Variants in SORCS1 observed in about 807,000 individuals in gnomAD.
The protein encoded by SORCS1 is VPS10 domain-containing receptor SorCS1.
SORCS1 carries 60 observed loss-of-function variants against 146.1 expected under a neutral mutation model. That is an observed-to-expected ratio of 0.41 (90% CI 0.33 to 0.51). The LOEUF (loss-of-function observed/expected upper bound fraction) is 0.51. Among genes scored for constraint, SORCS1 ranks in the 20% least tolerant of loss-of-function variants. The pLI, the probability that SORCS1 is intolerant of heterozygous loss-of-function variation, is 0.21. For missense variants in SORCS1, 1,352 were observed against 1,487.6 expected (o/e 0.91, Z 1.50); for synonymous variants, 637 against 584.0 (o/e 1.09, Z -1.31).
chr10:107,136,117 G>GA (rs879296392), intron 1 of SORCS1, among the ~76,000 whole-genome samples: 1,855 of 146,388 alleles, frequency 0.013, 32 homozygotes, highest in African/African-American at 0.043. Context: ...TGCAGTTGTA[G>GA]AAAAAAAAAA....
intron 19 of SORCS1, among the ~76,000 whole-genome samples, chr10:106,627,829 C>A (rs1848199982): frequency 6.6e-6 from 1 of 152,242 alleles, no homozygotes; most frequent in African/African-American, 2.4e-5. Flanking sequence ...GGCACTGACA[C>A]TGACCTTAGT....
intron 5 of SORCS1, among the ~76,000 whole-genome samples, chr10:106,742,546 A>C (rs1312596158): frequency 6.6e-6 from 1 of 152,022 alleles, no homozygotes; most frequent in Admixed American, 6.6e-5. Flanking sequence ...CACCCGGCTA[A>C]TTTTTGTATT....
chr10:106,838,429 G>A (rs554098133), intron 2 of SORCS1, among the ~76,000 whole-genome samples: 3 of 152,186 alleles, frequency 2.0e-5, no homozygotes, highest in Admixed American at 6.5e-5. Context: ...AACCTATAAC[G>A]AAGGATAATG....
chr10:106,761,790 G>GTTC, intron 4 of SORCS1, 129 bp from the exon 5 acceptor site: 1 of 750,632 alleles, frequency 1.3e-6, no homozygotes, highest in Non-Finnish European at 2.3e-6. Flanking sequence ...TATACAAGGT[G>GTTC]AGTGCTCCAT....
chr10:106,767,120 T>A (rs538296604), intron 4 of SORCS1, among the ~76,000 whole-genome samples: 2 of 152,296 alleles, frequency 1.3e-5, no homozygotes, highest in African/African-American at 4.8e-5. Flanking sequence ...TGATGTAGAC[T>A]GGATCCAAAT....
intron 2 of SORCS1, among the ~76,000 whole-genome samples, chr10:106,847,893 C>T (rs962776214): frequency 6.6e-6 from 1 of 150,662 alleles, no homozygotes; most frequent in East Asian, 1.9e-4. Context: ...AGTTGAGTGG[C>T]TTTCAGTGAG....
At chr10:107,162,807 T>C (rs978468086) in intron 1 of SORCS1, among the ~76,000 whole-genome samples, 1 of 152,220 alleles carries the variant, frequency 6.6e-6, no homozygotes, top group Non-Finnish European at 1.5e-5. Context: ...AGAAAACGTT[T>C]TGAAAGGTTC....
At chr10:106,731,031 C>A (rs572545681) in intron 5 of SORCS1, among the ~76,000 whole-genome samples, 1 of 152,186 alleles carries the variant, frequency 6.6e-6, no homozygotes, top group South Asian at 2.1e-4. Context: ...ATCCCTGGGC[C>A]GGGCGTGGTG....
chr10:107,098,676 A>G (rs1964703619), intron 1 of SORCS1, among the ~76,000 whole-genome samples: 1 of 152,234 alleles, frequency 6.6e-6, no homozygotes, highest in Admixed American at 6.5e-5. Context: ...TTTTGGAATG[A>G]CTTCTTTCTG....
chr10:106,805,215 A>G (rs1366635644), intron 3 of SORCS1, among the ~76,000 whole-genome samples: 1 of 151,996 alleles, frequency 6.6e-6, no homozygotes, highest in African/African-American at 2.4e-5. Flanking sequence ...AGAGATAACA[A>G]ATCAATGGGT....
intron 1 of SORCS1, among the ~76,000 whole-genome samples, chr10:106,971,929 T>C (rs2900717): frequency 0.19 from 29,068 of 152,150 alleles, 3,307 homozygotes; most frequent in Middle Eastern, 0.31. Flanking sequence ...CAAGGCCAAA[T>C]AGAGTATGTA....
At chr10:106,658,830 C>A (rs2135345342) in intron 17 of SORCS1, among the ~76,000 whole-genome samples, 1 of 152,254 alleles carries the variant, frequency 6.6e-6, no homozygotes, top group Non-Finnish European at 1.5e-5. Flanking sequence ...TTCTTCTACC[C>A]CTGCATCCAG....
intron 2 of SORCS1, among the ~76,000 whole-genome samples, chr10:106,839,102 C>A (rs1487966835): frequency 6.6e-6 from 1 of 152,088 alleles, no homozygotes; most frequent in African/African-American, 2.4e-5. Flanking sequence ...ATGAATAACT[C>A]TACAATGTCT....
chr10:107,019,877 G>A (rs551749006), intron 1 of SORCS1, among the ~76,000 whole-genome samples: 164 of 152,362 alleles, frequency 1.1e-3, no homozygotes, highest in Middle Eastern at 3.4e-3. Flanking sequence ...GATAGACAAG[G>A]AAAGTAAATG....
intron 2 of SORCS1, among the ~76,000 whole-genome samples, chr10:106,851,829 T>C (rs956518850): frequency 6.6e-6 from 1 of 152,260 alleles, no homozygotes; most frequent in Non-Finnish European, 1.5e-5. Context: ...TTTCTGTCCA[T>C]GGATATGGAA....
intron 6 of SORCS1, among the ~76,000 whole-genome samples, chr10:106,726,185 CTTTT>C (rs1169402270): frequency 3.0e-5 from 2 of 66,298 alleles, no homozygotes; most frequent in South Asian, 1.2e-3. Context: ...CTTTCCCTCT[CTTTT>C]TTTTTTTTTT....
upstream of SORCS1, among the ~76,000 whole-genome samples, chr10:107,168,669 T>C (rs1345028376): frequency 1.6e-5 from 1 of 61,660 alleles, no homozygotes; most frequent in Non-Finnish European, 3.2e-5. Flanking sequence ...CTCATGCCTT[T>C]TTTTTTTTTT....
intron 1 of SORCS1, among the ~76,000 whole-genome samples, chr10:107,003,888 G>A (rs1357777631): frequency 6.6e-6 from 1 of 152,072 alleles, no homozygotes; most frequent in African/African-American, 2.4e-5. Flanking sequence ...TTAAAGCAGA[G>A]AATACGGCTG....
intron 5 of SORCS1, among the ~76,000 whole-genome samples, chr10:106,748,395 T>G (rs1857903574): frequency 6.6e-6 from 1 of 152,202 alleles, no homozygotes; most frequent in South Asian, 2.1e-4. Flanking sequence ...AACAACCATA[T>G]AAGACTGCAA....
Sources: allele counts gnomAD v4.1 joint callset (sites outside exome capture counted in the v4.1 genomes callset), GRCh38; gene constraint gnomAD v4.1.1; transcripts MANE v1.5; gene names NCBI Gene and HGNC (gene_info 2026-07-23, HGNC 2026-07-21).